Variants in APP observed in about 807,000 individuals in gnomAD.
APP encodes the protein amyloid beta precursor protein.
Under a neutral mutation model 101.4 loss-of-function variants are expected in APP, and 31 were observed. The observed-to-expected ratio is 0.31, with a 90% CI of 0.23 to 0.41. The LOEUF is 0.41. Ranked by LOEUF, APP falls within the 10% of genes least tolerant of loss-of-function variation. The pLI is 1.00. For missense variants in APP, 839 were observed against 1,003.7 expected, an observed-to-expected ratio of 0.84 and a Z score of 2.22; for synonymous variants, 366 against 364.4, an observed-to-expected ratio of 1.00 and a Z score of -0.05.
chr21:26,036,937 T>C (rs2045138999), intron 5 of APP, among the ~76,000 whole-genome samples: 1 of 152,192 alleles, frequency 6.6e-6, no homozygotes, highest in Non-Finnish European at 1.5e-5. Flanking sequence ...ATAACCTAGA[T>C]GTCCAAAGAG....
intron 2 of APP, among the ~76,000 whole-genome samples, chr21:26,092,056 T>C (rs1184828230): frequency 1.3e-5 from 2 of 152,228 alleles, no homozygotes; most frequent in Non-Finnish European, 2.9e-5. Flanking sequence ...ACTGCTTCCA[T>C]TTTAATAAGG....
chr21:26,063,305 A>G (rs781174937), intron 3 of APP, among the ~76,000 whole-genome samples: 7 of 152,256 alleles, frequency 4.6e-5, no homozygotes, highest in Non-Finnish European at 1.0e-4. Flanking sequence ...TCTGCATAAC[A>G]TAAGGGTGAA....
intron 15 of APP, among the ~76,000 whole-genome samples, chr21:25,898,324 T>C (rs1443723967): frequency 6.6e-6 from 1 of 152,236 alleles, no homozygotes; most frequent in African/African-American, 2.4e-5. Flanking sequence ...CTACGAACTC[T>C]TCCTTTTCTA....
At chr21:26,130,901 C>T (rs1354374923) in intron 1 of APP, among the ~76,000 whole-genome samples, 3 of 152,210 alleles carry the variant, frequency 2.0e-5, no homozygotes, top group African/African-American at 4.8e-5. Flanking sequence ...ATTCTATTAT[C>T]TTCCTTAGAC....
intron 16 of APP, among the ~76,000 whole-genome samples, chr21:25,894,736 G>C (rs555775731): frequency 6.6e-6 from 1 of 152,332 alleles, no homozygotes; most frequent in African/African-American, 2.4e-5. Flanking sequence ...GAACACTGTT[G>C]AAATGACAAC....
chr21:25,989,981 C>T (rs538687808), intron 8 of APP, among the ~76,000 whole-genome samples: 4 of 151,536 alleles, frequency 2.6e-5, no homozygotes, highest in South Asian at 2.1e-4. Context: ...AAACTCCTAA[C>T]GCATTCTACA....
At chr21:26,126,828 ATTTGTT>A (rs2062694435) in intron 1 of APP, among the ~76,000 whole-genome samples, 1 of 152,010 alleles carries the variant, frequency 6.6e-6, no homozygotes, top group Non-Finnish European at 1.5e-5. Context: ...CTGTATTTCT[ATTTGTT>A]CACAGAACAA....
chr21:26,047,947 T>C (rs934844505), intron 5 of APP, among the ~76,000 whole-genome samples: 1 of 152,260 alleles, frequency 6.6e-6, no homozygotes, highest in African/African-American at 2.4e-5. Context: ...ATTTCAGATA[T>C]ACTGGATTAA....
At chr21:25,999,920 A>G (rs1173347650) in intron 7 of APP, 95 bp downstream of exon 7, 34 of 1,436,380 alleles carry the variant, frequency 2.4e-5, no homozygotes, top group Non-Finnish European at 3.0e-5. Flanking sequence ...CAACAGGCCC[A>G]TTCCCAAGAA....
chr21:26,072,912 A>G (rs533142978), intron 3 of APP, among the ~76,000 whole-genome samples: 1 of 152,340 alleles, frequency 6.6e-6, no homozygotes, highest in Admixed American at 6.5e-5. Flanking sequence ...TGCCATGTTC[A>G]CGAGTTCTCT....
intron 1 of APP, among the ~76,000 whole-genome samples, chr21:26,153,906 G>T (rs1422590726): frequency 1.3e-5 from 2 of 152,076 alleles, no homozygotes; most frequent in African/African-American, 4.8e-5. Context: ...AATATTTCAG[G>T]AATGAAATGA....
At chr21:26,148,921 G>C (rs1305521080) in intron 1 of APP, among the ~76,000 whole-genome samples, 2 of 152,188 alleles carry the variant, frequency 1.3e-5, no homozygotes, top group Admixed American at 1.3e-4. Flanking sequence ...CTAGTAAATT[G>C]AAAGAGTTGT....
At chr21:25,899,347 G>A (rs921359058) in intron 15 of APP, among the ~76,000 whole-genome samples, 4 of 152,148 alleles carry the variant, frequency 2.6e-5, no homozygotes, top group Non-Finnish European at 1.5e-5. Flanking sequence ...CCTTCAAGAG[G>A]GAGAACTTGA....
At position 25,951,997 on chromosome 21, in the gene APP, C is replaced by T. The variant is rs557271346; in HGVS notation, c.1687+2593G>A. Among the ~76,000 whole-genome samples the T allele has an allele frequency of 3.3e-5, 5 of 152,270 alleles. No homozygotes were observed. In the East Asian group the frequency reaches 9.6e-4, roughly 29 times the overall value. The stretch of plus-strand genomic sequence containing the variant: ...TGACACTAGCAGCTCAGATAGTGTA[C>T]AGGGTTCGTTATTGCAAACTTCTCT... On this transcript the variant is annotated intron_variant, in intron 13 of 17. Transcript: ENST00000346798.
chr21:26,130,528 T>C (rs2062773251), intron 1 of APP, among the ~76,000 whole-genome samples: 1 of 152,256 alleles, frequency 6.6e-6, no homozygotes. Context: ...CTAATGTCTT[T>C]GAATTTTAGG....
intron 9 of APP, among the ~76,000 whole-genome samples, chr21:25,978,006 T>G (rs2042285889): frequency 6.6e-6 from 1 of 152,244 alleles, no homozygotes; most frequent in Non-Finnish European, 1.5e-5. Context: ...AGTTCAATGT[T>G]CTACTGCAAT....
Position 26,084,692 on chromosome 21 carries a change from T to C in APP, c.355+5251A>G, listed in dbSNP as rs114634456. On this transcript the variant is annotated intron_variant, in intron 3 of 17. Coordinates refer to ENST00000346798, the MANE Select transcript of APP (RefSeq NM_000484.4). ...ACAAATGTGGCTGCCATATGCAATT[T>C]TGGAGGGAAAAAAAATTAAGGAAGA... is the stretch of plus-strand genomic sequence containing the variant. Among the ~76,000 whole-genome samples the C allele has an allele frequency of 8.1e-3, 1,237 of 152,250 alleles. 8 individuals carry two copies. The highest frequency in any genetic ancestry group is 0.028 in the African/African-American group (1,170 of 41,546).
intron 1 of APP, chr21:26,140,254 C>T (rs2063014435): frequency 1.3e-6 from 2 of 1,535,902 alleles, no homozygotes; most frequent in Non-Finnish European, 1.7e-6. Flanking sequence ...CTGTGGAATA[C>T]TCCCTGAGAT....
At chr21:26,090,872 T>C (rs531621680) in intron 2 of APP, among the ~76,000 whole-genome samples, 2 of 152,276 alleles carry the variant, frequency 1.3e-5, no homozygotes, top group South Asian at 4.1e-4. Context: ...GTCATTTAGA[T>C]AAAAATAAAC....
Sources: allele counts gnomAD v4.1 joint callset (sites outside exome capture counted in the v4.1 genomes callset), GRCh38; gene constraint gnomAD v4.1.1; transcripts MANE v1.5; gene names NCBI Gene and HGNC (gene_info 2026-07-23, HGNC 2026-07-21).